HCN1: variants seen among roughly 807,000 people sequenced by gnomAD.
HCN1 encodes the protein hyperpolarization activated cyclic nucleotide gated potassium channel 1.
Under a neutral mutation model 78.9 loss-of-function variants are expected in HCN1, and 13 were observed. That is an observed-to-expected ratio of 0.16 (90% CI 0.11 to 0.26). HCN1 has a LOEUF of 0.26. HCN1 is among the 10% of genes least tolerant of loss of function. HCN1 has a pLI of 1.00. For missense variants in HCN1, 810 were observed against 1,154.3 expected (o/e 0.70, Z 4.32); for synonymous variants, 552 against 455.5 (o/e 1.21, Z -2.70).
chr5:45,653,979 T>C (rs1042746508), intron 1 of HCN1, among the ~76,000 whole-genome samples: 1 of 152,104 alleles, frequency 6.6e-6, no homozygotes, highest in East Asian at 1.9e-4. Flanking sequence ...TCAAAATTAA[T>C]CAGGTATAAG....
chr5:45,310,696 T>C (rs1561099433), intron 5 of HCN1, among the ~76,000 whole-genome samples: 1 of 152,054 alleles, frequency 6.6e-6, no homozygotes, highest in Non-Finnish European at 1.5e-5. Context: ...AATTGTTCTA[T>C]TATAAAGACA....
rs774278351 is a variant in HCN1 at position 45,269,704 on chromosome 5, TC to T, written c.1619-2452del. ...GCTTTATGAACGAACCACTGACATT[TC>T]CCCCCACTATCCTCAGGTACATGGT... On this transcript the variant is annotated intron_variant, in intron 6 of 7. Coordinates refer to ENST00000303230, the MANE Select transcript of HCN1 (RefSeq NM_021072.4). 2.6e-5 allele frequency among the ~76,000 whole-genome samples: 4 copies of T among 152,048 alleles called. No homozygotes were observed. The East Asian group carries it at 7.7e-4, about 29-fold the overall frequency.
chr5:45,645,473 T>A lies in HCN1; in HGVS notation c.561A>T (p.Leu187=). 6.2e-7 allele frequency: 1 copy of A among 1,613,704 alleles called. No homozygotes were observed. The highest frequency in any genetic ancestry group is 8.5e-7 in the Non-Finnish European group (1 of 1,179,778). The change falls in exon 2 of 8, where the codon CTA becomes CTT. Residue 187 remains leucine, a synonymous_variant. Coordinates refer to ENST00000303230, the MANE Select transcript of HCN1 (RefSeq NM_021072.4). ...IFNVASDTVF[L]LDLIMNFRTG... ...TCCTAAAATTCATGATCAGGTCCAA[T>A]AGGAAAACTGTATCTGATGCCACAT...
chr5:45,557,287 C>G (rs1743489308), intron 2 of HCN1, among the ~76,000 whole-genome samples: 2 of 152,008 alleles, frequency 1.3e-5, no homozygotes, highest in African/African-American at 2.4e-5. Context: ...CTAAAATTCT[C>G]AACGGTTCTC....
At chr5:45,375,196 TATA>T (rs1317495626) in intron 4 of HCN1, among the ~76,000 whole-genome samples, 47 of 113,212 alleles carry the variant, frequency 4.2e-4, no homozygotes, top group African/African-American at 7.5e-4. Context: ...TTATATATAA[TATA>T]ATATTTTATA....
At chr5:45,399,528 CT>C (rs1739753265) in intron 3 of HCN1, among the ~76,000 whole-genome samples, 1 of 152,124 alleles carries the variant, frequency 6.6e-6, no homozygotes, top group South Asian at 2.1e-4. Flanking sequence ...GAAGCCAAAC[CT>C]GCATTTGTCA....
At chr5:45,611,446 A>G (rs1744835368) in intron 2 of HCN1, among the ~76,000 whole-genome samples, 1 of 150,992 alleles carries the variant, frequency 6.6e-6, no homozygotes, top group Non-Finnish European at 1.5e-5. Flanking sequence ...TAATGTTTGT[A>G]TTTTTTGTGG....
intron 2 of HCN1, among the ~76,000 whole-genome samples, chr5:45,622,342 T>C (rs1745084063): frequency 6.6e-6 from 1 of 152,196 alleles, no homozygotes; most frequent in Admixed American, 6.5e-5. Flanking sequence ...ATGGGTCAGT[T>C]TGTGGATGGG....
At chr5:45,632,278 A>ATT (rs1745281436) in intron 2 of HCN1, among the ~76,000 whole-genome samples, 1 of 148,800 alleles carries the variant, frequency 6.7e-6, no homozygotes. Context: ...CTAATGTTCC[A>ATT]TTGTGTGTGT....
intron 2 of HCN1, among the ~76,000 whole-genome samples, chr5:45,568,596 A>G (rs1272521020): frequency 1.3e-5 from 2 of 151,952 alleles, no homozygotes; most frequent in Non-Finnish European, 2.9e-5. Flanking sequence ...AATGTTAATG[A>G]CTGTTATTAT....
chr5:45,668,707 T>A (rs1376772027), intron 1 of HCN1, among the ~76,000 whole-genome samples: 3 of 151,946 alleles, frequency 2.0e-5, no homozygotes, highest in African/African-American at 7.2e-5. Context: ...CCTTTATGGA[T>A]GTTAGGAGAT....
At chr5:45,645,953 A>T (rs1205611046) in intron 1 of HCN1, among the ~76,000 whole-genome samples, 1 of 152,060 alleles carries the variant, frequency 6.6e-6, no homozygotes, top group Admixed American at 6.6e-5. Context: ...AACTAGAAAG[A>T]AGTATAAGAT....
Position 45,261,242 on chromosome 5 carries a change from C to A in HCN1, c.*679G>T, listed in dbSNP as rs1234119901. 1 of 152,586 alleles carries A rather than the reference C, an allele frequency of 6.6e-6. No individual in the cohort carries two copies. The highest frequency in any genetic ancestry group is 1.5e-5 in the Non-Finnish European group (1 of 68,028). 9.5% of individuals were successfully genotyped at this position (152,586 alleles called of 1,614,324 possible). On this transcript the variant is annotated 3_prime_UTR_variant, in exon 8 of 8. Transcript: ENST00000303230. Reference sequence around the variant, plus strand: ...ACATTGATCGAGTCTTGGTAAAAGTCCGATAACACATGAAGACAAATATTA... The same window carrying A: ...ACATTGATCGAGTCTTGGTAAAAGTACGATAACACATGAAGACAAATATTA...
At chr5:45,280,768 AC>A (rs1478054528) in intron 6 of HCN1, among the ~76,000 whole-genome samples, 1 of 152,194 alleles carries the variant, frequency 6.6e-6, no homozygotes, top group African/African-American at 2.4e-5. Flanking sequence ...CTATAAATAA[AC>A]TTTTTGGGAC....
intron 2 of HCN1, among the ~76,000 whole-genome samples, chr5:45,615,149 A>T: frequency 6.6e-6 from 1 of 152,048 alleles, no homozygotes; most frequent in Non-Finnish European, 1.5e-5. Context: ...GATATAAATA[A>T]CAATGAGTAG....
intron 1 of HCN1, among the ~76,000 whole-genome samples, chr5:45,691,138 T>G (rs1739903992): frequency 6.6e-6 from 1 of 152,090 alleles, no homozygotes; most frequent in South Asian, 2.1e-4. Flanking sequence ...TGAATATAAT[T>G]TTCTTAAATG....
At chr5:45,482,219 C>T (rs532238131) in intron 2 of HCN1, among the ~76,000 whole-genome samples, 2 of 152,264 alleles carry the variant, frequency 1.3e-5, no homozygotes, top group Non-Finnish European at 2.9e-5. Context: ...CTTCTGTGTG[C>T]TTCAATGTCA....
chr5:45,517,367 C>T (rs1742533313), intron 2 of HCN1, among the ~76,000 whole-genome samples: 1 of 151,674 alleles, frequency 6.6e-6, no homozygotes. Flanking sequence ...TTGATCCCCA[C>T]GCTATCCCCA....
intron 1 of HCN1, among the ~76,000 whole-genome samples, chr5:45,657,081 G>A (rs189638355): frequency 1.3e-5 from 2 of 152,174 alleles, no homozygotes; most frequent in Admixed American, 1.3e-4. Context: ...TATGTTTCCA[G>A]GTCTGTAACA....
Sources: allele counts gnomAD v4.1 joint callset (sites outside exome capture counted in the v4.1 genomes callset), GRCh38; gene constraint gnomAD v4.1.1; transcripts MANE v1.5; gene names NCBI Gene and HGNC (gene_info 2026-07-23, HGNC 2026-07-21).